SEMA5A: variants seen among roughly 807,000 people sequenced by gnomAD.
SEMA5A encodes the protein semaphorin-5A.
SEMA5A carries 55 observed loss-of-function variants against 135.5 expected under a neutral mutation model. The observed-to-expected ratio is 0.41, with a 90% CI of 0.33 to 0.51. SEMA5A has a LOEUF of 0.51. Ranked by LOEUF, SEMA5A falls within the 20% of genes least tolerant of loss-of-function variation. SEMA5A has a pLI of 0.37. For missense variants in SEMA5A, 1,290 were observed against 1,419.9 expected (o/e 0.91, Z 1.47); for synonymous variants, 580 against 546.5 (o/e 1.06, Z -0.85).
intron 15 of SEMA5A, among the ~76,000 whole-genome samples, chr5:9,114,463 T>TCG (rs781775504): frequency 6.2e-4 from 95 of 152,188 alleles, no homozygotes; most frequent in Non-Finnish European, 9.1e-4. Flanking sequence ...TTTATGTTTT[T>TCG]TTTGTGTGTG....
At chr5:9,264,360 A>G (rs1561085614) in intron 5 of SEMA5A, among the ~76,000 whole-genome samples, 1 of 152,204 alleles carries the variant, frequency 6.6e-6, no homozygotes, top group African/African-American at 2.4e-5. Context: ...GTCAAAGGAA[A>G]GAGGATGGCA....
intron 3 of SEMA5A, among the ~76,000 whole-genome samples, chr5:9,354,408 C>T (rs1235454345): frequency 6.6e-6 from 1 of 152,216 alleles, no homozygotes; most frequent in African/African-American, 2.4e-5. Context: ...TTTATATTCT[C>T]ATTTCCTGAT....
At chr5:9,301,725 C>T (rs1751619775) in intron 5 of SEMA5A, among the ~76,000 whole-genome samples, 1 of 152,108 alleles carries the variant, frequency 6.6e-6, no homozygotes, top group Non-Finnish European at 1.5e-5. Flanking sequence ...GCACTCAGGA[C>T]CCAGAGGATA....
At position 9,186,837 on chromosome 5, in the gene SEMA5A, C is replaced by T. The variant is rs181383626; in HGVS notation, c.1273+3430G>A. ...TTATTCTAGAAATATCTGAATTATT[C>T]TAGATTTTTTTCAAATATTCAATCA... is the stretch of plus-strand genomic sequence containing the variant. On this transcript the variant is annotated intron_variant, in intron 11 of 22. Transcript: ENST00000382496. 1.7e-3 allele frequency among the ~76,000 whole-genome samples: 258 copies of T among 152,186 alleles called. 1 individual carries two copies. The highest frequency in any genetic ancestry group is 0.01 in the Middle Eastern group (3 of 294).
At chr5:9,493,825 G>A (rs1297613629) in intron 1 of SEMA5A, among the ~76,000 whole-genome samples, 2 of 152,200 alleles carry the variant, frequency 1.3e-5, no homozygotes, top group South Asian at 2.1e-4. Flanking sequence ...TCTCAGAACC[G>A]AGCTTTACAG....
intron 15 of SEMA5A, among the ~76,000 whole-genome samples, chr5:9,111,928 T>C (rs2657031): frequency 0.59 from 89,992 of 152,092 alleles, 28,332 homozygotes; most frequent in African/African-American, 0.81. Flanking sequence ...AGTCAGTTAC[T>C]TTGGTATCTG....
intron 17 of SEMA5A, 83 bp downstream of exon 17, chr5:9,066,338 C>A: frequency 1.5e-5 from 20 of 1,318,452 alleles, no homozygotes; most frequent in Non-Finnish European, 2.1e-5. Context: ...AAGGAAAATG[C>A]CCCCTTGCTG....
At chr5:9,154,369 G>A in intron 12 of SEMA5A, 119 bp downstream of exon 12, 2 of 774,374 alleles carry the variant, frequency 2.6e-6, no homozygotes, top group Non-Finnish European at 4.2e-6. Flanking sequence ...AGGACTCTCA[G>A]AGGCATGAAG....
intron 1 of SEMA5A, among the ~76,000 whole-genome samples, chr5:9,464,764 C>A (rs1199112542): frequency 1.3e-5 from 2 of 152,160 alleles, no homozygotes; most frequent in African/African-American, 4.8e-5. Flanking sequence ...GAAAGTGCCA[C>A]AAAAGCCCAC....
At chr5:9,081,725 A>T (rs762061149) in intron 16 of SEMA5A, among the ~76,000 whole-genome samples, 8 of 152,162 alleles carry the variant, frequency 5.3e-5, no homozygotes, top group African/African-American at 1.4e-4. Context: ...CATATTTTTG[A>T]ATTTAACTCT....
intron 3 of SEMA5A, among the ~76,000 whole-genome samples, chr5:9,377,681 C>G (rs1406120134): frequency 6.6e-6 from 1 of 152,094 alleles, no homozygotes; most frequent in African/African-American, 2.4e-5. Flanking sequence ...TCAGCAGAGA[C>G]TTGAGATTTT....
chr5:9,508,152 T>C (rs1332072698), intron 1 of SEMA5A, among the ~76,000 whole-genome samples: 1 of 152,002 alleles, frequency 6.6e-6, no homozygotes, highest in African/African-American at 2.4e-5. Flanking sequence ...AGCTTCGAAT[T>C]TATCACCCTG....
chr5:9,276,885 G>T (rs182127244), intron 5 of SEMA5A, among the ~76,000 whole-genome samples: 1,551 of 152,102 alleles, frequency 0.01, 27 homozygotes, highest in African/African-American at 0.036. Flanking sequence ...GCAATACCAT[G>T]CAGGACATAG....
At chr5:9,407,590 G>T (rs1258177545) in intron 2 of SEMA5A, among the ~76,000 whole-genome samples, 1 of 152,174 alleles carries the variant, frequency 6.6e-6, no homozygotes, top group Non-Finnish European at 1.5e-5. Context: ...CTACCTGGCT[G>T]CATTTGCTTT....
Position 9,116,527 on chromosome 5 carries a change from T to C in SEMA5A, c.1925+2471A>G, listed in dbSNP as rs1205762020. ...GAAAAAAAAATTATGTAAATACTTC[T>C]GAGATTTTTGTTGCAACAAAGCTCC... On this transcript the variant is annotated intron_variant, in intron 15 of 22. Transcript: ENST00000382496. 2.0e-5 allele frequency among the ~76,000 whole-genome samples: 3 copies of C among 152,330 alleles called. No homozygotes were observed. The South Asian group carries it at 6.2e-4, about 32-fold the overall frequency.
chr5:9,120,776 G>C (rs1740771164), intron 14 of SEMA5A, among the ~76,000 whole-genome samples: 1 of 142,530 alleles, frequency 7.0e-6, no homozygotes, highest in Non-Finnish European at 1.5e-5. Flanking sequence ...TTTAGCAAAT[G>C]TGGATTGATT....
At chr5:9,477,632 G>A (rs1759718933) in intron 1 of SEMA5A, among the ~76,000 whole-genome samples, 1 of 152,176 alleles carries the variant, frequency 6.6e-6, no homozygotes, top group Admixed American at 6.5e-5. Context: ...GGGGAACTTT[G>A]AACTCGAGAG....
intron 1 of SEMA5A, among the ~76,000 whole-genome samples, chr5:9,540,366 G>A (rs1006878940): frequency 6.6e-6 from 1 of 151,298 alleles, no homozygotes; most frequent in Non-Finnish European, 1.5e-5. Flanking sequence ...GAGGCGGGTG[G>A]ATCACGAGGT....
rs964530061 is a variant in SEMA5A, at chr5:9,204,785, C to A, written c.647-2545G>T. 6.6e-6 allele frequency among the ~76,000 whole-genome samples: 1 copy of A among 152,192 alleles called. No individual in the cohort carries two copies. Among genetic ancestry groups the A allele is most frequent in the Non-Finnish European group, 1.5e-5 (1 of 68,046 alleles). ...GCCTGTTAGGAGTCAGGCCACACAG[C>A]AGGAGGTGAGCAGCAGGCAAATGAA... On this transcript the variant is annotated intron_variant, in intron 8 of 22. Coordinates refer to ENST00000382496, the MANE Select transcript of SEMA5A (RefSeq NM_003966.3). This position sits in a 1 kb window ranked among gnomAD's most constrained non-coding sequence, Gnocchi z 6.4.
Sources: allele counts gnomAD v4.1 joint callset (sites outside exome capture counted in the v4.1 genomes callset), GRCh38; gene constraint gnomAD v4.1.1; non-coding constraint Gnocchi (gnomAD v3.1); transcripts MANE v1.5; gene names NCBI Gene and HGNC (gene_info 2026-07-23, HGNC 2026-07-21).